Variants in CMYA5 observed in about 807,000 individuals in gnomAD.
The protein encoded by CMYA5 is cardiomyopathy-associated protein 5.
CMYA5 carries 246 observed loss-of-function variants against 318.9 expected under a neutral mutation model. That is an observed-to-expected ratio of 0.77 (90% CI 0.70 to 0.86). CMYA5 has a LOEUF of 0.86. Ranked by LOEUF, CMYA5 falls within the 40% of genes least tolerant of loss-of-function variation. The pLI, the probability that CMYA5 is intolerant of heterozygous loss-of-function variation, is 0.00. For synonymous variants in CMYA5, 1,641 were observed against 1,729.5 expected, an observed-to-expected ratio of 0.95 and a Z score of 1.27; for missense variants, 4,589 against 4,678.2, an observed-to-expected ratio of 0.98 and a Z score of 0.56.
In CMYA5 at chr5:79,739,287, C is replaced by T. The variant is rs758266998; in HGVS notation, c.10522C>T (p.Gln3508Ter). The change falls in exon 2 of 13, where the codon CAG becomes TAG. Residue 3508 changes from glutamine (Q) to a stop codon, truncating the protein, a stop_gained. Coordinates refer to ENST00000446378, the MANE Select transcript of CMYA5 (RefSeq NM_153610.5). LOFTEE classifies it high-confidence loss of function. The stretch of plus-strand genomic sequence containing the variant: ...GGCACAAAAAGAGCTGAAAAAGTCC[C>T]AGATTGACACATACTGTTACACCTG... ...EKAQKELKKS[Q>*]IDTYCYTCKC... 8 of 1,606,966 alleles carry T rather than the reference C, an allele frequency of 5.0e-6. No homozygotes were observed. Among genetic ancestry groups the T allele is most frequent in the Non-Finnish European group, 6.8e-6 (8 of 1,176,842 alleles).
intron 1 of CMYA5, among the ~76,000 whole-genome samples, chr5:79,697,185 A>C (rs1356939177): frequency 6.6e-6 from 1 of 152,230 alleles, no homozygotes; most frequent in Non-Finnish European, 1.5e-5. Flanking sequence ...TCTCATAAGT[A>C]ATTAGCTACA....
chr5:79,720,425 CTAATTTT>C (rs773660395), intron 1 of CMYA5, among the ~76,000 whole-genome samples: 1 of 125,680 alleles, frequency 8.0e-6, no homozygotes, highest in Middle Eastern at 4.2e-3. Context: ...AACTGCCAAT[CTAATTTT>C]TTTTTTTTTT....
In CMYA5 at chr5:79,732,418, C is replaced by G; in HGVS notation, c.3653C>G (p.Ala1218Gly). ...GTGCCTGATTCTCAAGAAGCTACAG[C>G]ACATGTATCACAGGATCAAAAAATG... ...EIVPDSQEAT[A>G]HVSQDQKMEP... The change falls in exon 2 of 13, where the codon GCA (alanine) becomes GGA (glycine). Residue 1218 changes from alanine to glycine, a missense_variant. Ala to Gly is a moderately conservative substitution (Grantham distance 60, BLOSUM62 0). Around this residue, in one of 3 missense-constraint regions of CMYA5, gnomAD observed 2,132 missense variants for 2,131.3 expected, o/e 1.00. Coordinates refer to ENST00000446378, the MANE Select transcript of CMYA5 (RefSeq NM_153610.5). The G allele has an allele frequency of 6.2e-7, 1 of 1,613,608 alleles. No individual in the cohort carries two copies. The highest frequency in any genetic ancestry group is 8.5e-7 in the Non-Finnish European group (1 of 1,179,764).
chr5:79,733,555 A>C lies in CMYA5; in HGVS notation c.4790A>C (p.Glu1597Ala). The C allele has an allele frequency of 1.2e-6, 2 of 1,613,906 alleles. No homozygotes were observed. Among genetic ancestry groups the C allele is most frequent in the Non-Finnish European group, 1.7e-6 (2 of 1,179,830 alleles). The change falls in exon 2 of 13, where the codon GAG (glutamate) becomes GCG (alanine). Residue 1597 changes from glutamate to alanine, a missense_variant. This residue lies in a region of CMYA5 where 2,132 missense variants were observed against 2,131.3 expected (regional missense o/e 1.00). Coordinates refer to ENST00000446378, the MANE Select transcript of CMYA5 (RefSeq NM_153610.5). ...GATGATAAGAACAAACCGGCAGTGG[A>C]GGTATCTTCTACAGCTCAGGGAGAC... ...LSDDKNKPAV[E>A]VSSTAQGDFP...
In CMYA5 at chr5:79,731,191, A is replaced by G; in HGVS notation, c.2426A>G (p.Gln809Arg). ...SKYAAPLNAT[Q>R]ESQKKIINEA... ...TATGCAGCCCCACTCAATGCAACAC[A>G]GGAATCTCAAAAGAAAATAATCAAT... Residue 809 changes from glutamine (Q) to arginine (R), a missense_variant, in exon 2 of 13, where the codon CAG (glutamine) becomes CGG (arginine). Around this residue, in one of 3 missense-constraint regions of CMYA5, gnomAD observed 2,132 missense variants for 2,131.3 expected, o/e 1.00. Transcript: ENST00000446378. The G allele has an allele frequency of 1.2e-6, 2 of 1,614,062 alleles. No homozygotes were observed. The highest frequency in any genetic ancestry group is 1.3e-5 in the African/African-American group (1 of 75,072).
chr5:79,746,224 C>T lies in CMYA5; in HGVS notation c.10968+769C>T, dbSNP rs575112713. Among the ~76,000 whole-genome samples, 71 of 152,298 alleles carry T rather than the reference C, an allele frequency of 4.7e-4. 1 individual carries two copies. The highest frequency in any genetic ancestry group is 1.6e-3 in the African/African-American group (68 of 41,568). On this transcript the variant is annotated intron_variant, in intron 4 of 12. Transcript: ENST00000446378. ...CACTGCTCTTAGGATGACTGGGAAC[C>T]TCCCTTTCAAAGTTCCCCATCCTCC...
intron 1 of CMYA5, among the ~76,000 whole-genome samples, chr5:79,719,613 T>C (rs967288797): frequency 1.3e-5 from 2 of 152,250 alleles, no homozygotes; most frequent in Admixed American, 1.3e-4. Flanking sequence ...GCTCCATTCA[T>C]AAATTATCTC....
chr5:79,798,127 C>G (rs1164778598), intron 12 of CMYA5, among the ~76,000 whole-genome samples: 1 of 152,180 alleles, frequency 6.6e-6, no homozygotes, highest in Admixed American at 6.5e-5. Context: ...CACCGTGAAC[C>G]TCTGCCCTTC....
intron 1 of CMYA5, among the ~76,000 whole-genome samples, chr5:79,690,906 A>T (rs1182027410): frequency 6.6e-6 from 1 of 152,198 alleles, no homozygotes; most frequent in Admixed American, 6.5e-5. Flanking sequence ...AATCAAAGCC[A>T]GCAGAGCCGA....
chr5:79,784,406 C>G (rs1459880984), intron 9 of CMYA5, among the ~76,000 whole-genome samples: 1 of 11,534 alleles, frequency 8.7e-5, no homozygotes, highest in African/African-American at 5.9e-4. Context: ...GTGGAGCCTA[C>G]AGAGGCAGGC....
chr5:79,792,739 T>G (rs1829201809), intron 11 of CMYA5, among the ~76,000 whole-genome samples: 1 of 152,240 alleles, frequency 6.6e-6, no homozygotes, highest in African/African-American at 2.4e-5. Flanking sequence ...GCAAACAAGG[T>G]CACCCATCAG....
chr5:79,742,763 A>G (rs1056780363), intron 2 of CMYA5, among the ~76,000 whole-genome samples: 30 of 151,740 alleles, frequency 2.0e-4, no homozygotes, highest in South Asian at 1.5e-3. Context: ...TGAGAGTGAA[A>G]AAAAAAAAAG....
chr5:79,770,149 C>T (rs985773808), intron 9 of CMYA5, among the ~76,000 whole-genome samples: 2 of 152,136 alleles, frequency 1.3e-5, no homozygotes, highest in Admixed American at 1.3e-4. Flanking sequence ...GGACGCCCCT[C>T]CCCCCACCAA....
At chr5:79,701,352 A>G (rs553518475) in intron 1 of CMYA5, among the ~76,000 whole-genome samples, 1 of 152,332 alleles carries the variant, frequency 6.6e-6, no homozygotes, top group South Asian at 2.1e-4. Context: ...TATCTAGAAG[A>G]AAATAAATTA....
At position 79,733,880 on chromosome 5, in the gene CMYA5, G is replaced by A; in HGVS notation, c.5115G>A (p.Arg1705=). ...PAISELSSLL[R]EESQNEEIKP... ...TTTCAGAGCTTTCATCATTGCTTAG[G>A]GAGGAATCTCAGAATGAAGAAATTA... is the stretch of plus-strand genomic sequence containing the variant. The change falls in exon 2 of 13, where the codon AGG becomes AGA. Residue 1705 remains arginine (R), a synonymous_variant. Coordinates refer to ENST00000446378, the MANE Select transcript of CMYA5 (RefSeq NM_153610.5). 2 of 1,613,346 alleles carry A rather than the reference G, an allele frequency of 1.2e-6. No homozygotes were observed. Among genetic ancestry groups the A allele is most frequent in the Non-Finnish European group, 1.7e-6 (2 of 1,179,808 alleles).
rs1829217190 is a variant in CMYA5 at position 79,793,533 on chromosome 5, C to T, written c.11886C>T (p.Cys3962=). The change falls in exon 12 of 13, where the codon TGC becomes TGT. Residue 3962 remains cysteine, a synonymous_variant. Coordinates refer to ENST00000446378, the MANE Select transcript of CMYA5 (RefSeq NM_153610.5). ...GCCCAGCATATCGACTCGGCATCTG[C>T]TCCAGCTCGGCTGTGCAGGCAGGTG... ...TDCPAYRLGI[C]SSSAVQAGAL... 2 of 1,613,782 alleles carry T rather than the reference C, an allele frequency of 1.2e-6. No individual in the cohort carries two copies. Among genetic ancestry groups the T allele is most frequent in the Non-Finnish European group, 1.7e-6 (2 of 1,179,844 alleles).
At position 79,749,417 on chromosome 5, in the gene CMYA5, ATCTACAGT is replaced by A. The variant is rs376398802; in HGVS notation, c.10991+2306_10991+2313del. ...TTCCTTTCTATAAGAAGTGCTAATT[ATCTACAGT>A]TGGCCCTTGAACAACACGAGTTTGG... On this transcript the variant is annotated intron_variant, in intron 5 of 12. Transcript: ENST00000446378. 3.4e-3 allele frequency among the ~76,000 whole-genome samples: 513 copies of A among 152,340 alleles called. 7 individuals carry two copies. The highest frequency in any genetic ancestry group is 0.012 in the African/African-American group (496 of 41,576).
chr5:79,762,467 TAGAG>T (rs1828670875), intron 8 of CMYA5: 1 of 153,758 alleles, frequency 6.5e-6, no homozygotes, highest in African/African-American at 2.4e-5. Context: ...AAGGCTAACA[TAGAG>T]AGGCCGTGTT....
chr5:79,696,277 T>C (rs1827064339), intron 1 of CMYA5, among the ~76,000 whole-genome samples: 1 of 152,180 alleles, frequency 6.6e-6, no homozygotes, highest in South Asian at 2.1e-4. Flanking sequence ...CAGAAAGCCA[T>C]CCCTAGACTG....
Sources: allele counts gnomAD v4.1 joint callset (sites outside exome capture counted in the v4.1 genomes callset), GRCh38; gene constraint gnomAD v4.1.1; regional missense constraint gnomAD v4.1.1; transcripts MANE v1.5; gene names NCBI Gene and HGNC (gene_info 2026-07-23, HGNC 2026-07-21).